Variants in SLC12A1 observed in about 807,000 individuals in gnomAD.
SLC12A1 encodes Na-K-2Cl cotransporter.
Under a neutral mutation model 130.4 loss-of-function variants are expected in SLC12A1, and 89 were observed. That is an observed-to-expected ratio of 0.68 (90% CI 0.58 to 0.81). The LOEUF (loss-of-function observed/expected upper bound fraction) is 0.81. Among genes scored for constraint, SLC12A1 ranks in the 40% least tolerant of loss-of-function variants. SLC12A1 has a pLI of 0.00. For synonymous variants in SLC12A1, 499 were observed against 460.0 expected (o/e 1.08, Z -1.09); for missense variants, 1,310 against 1,336.4 (o/e 0.98, Z 0.31).
chr15:48,221,656 ATAT>A (rs1360063758), intron 4 of SLC12A1, among the ~76,000 whole-genome samples: 1 of 152,198 alleles, frequency 6.6e-6, no homozygotes, highest in East Asian at 1.9e-4. Flanking sequence ...TCTATTTTAA[ATAT>A]TATTTCTTCT....
At chr15:48,236,926 A>G (rs1597415813) in intron 9 of SLC12A1, 3 of 630,842 alleles carry the variant, frequency 4.8e-6, no homozygotes, top group East Asian at 2.8e-5. Flanking sequence ...ACAAGTTTGT[A>G]TCAGATGTAT....
intron 18 of SLC12A1, among the ~76,000 whole-genome samples, chr15:48,269,439 T>C (rs1233801310): frequency 6.6e-6 from 1 of 152,216 alleles, no homozygotes; most frequent in Non-Finnish European, 1.5e-5. Context: ...AAAAGCTACA[T>C]TTCTGTCATC....
chr15:48,208,250 A>G lies in SLC12A1; in HGVS notation c.420+111A>G, dbSNP rs542949304. ...GTGAAACAGTCAAATGGAGAGGTCT[A>G]TTCCAAACACTATCCATCTTACTTA... On this transcript the variant is annotated intron_variant, in intron 2 of 26. Transcript: ENST00000380993. 2.7e-4 allele frequency: 280 copies of G among 1,045,422 alleles called. No homozygotes were observed. In the African/African-American group the frequency reaches 4.2e-3, roughly 16 times the overall value. 64.8% of individuals were successfully genotyped at this position (1,045,422 alleles called of 1,614,324 possible).
In SLC12A1 at chr15:48,226,464, C is replaced by A. The variant is rs35300056; in HGVS notation, c.629-12C>A. 73 of 1,487,752 alleles carry A rather than the reference C, an allele frequency of 4.9e-5. No homozygotes were observed. Among genetic ancestry groups the A allele is most frequent in the Non-Finnish European group, 6.5e-5 (70 of 1,083,536 alleles). 92.2% of individuals were successfully genotyped at this position (1,487,752 alleles called of 1,614,324 possible). ...GTAAAATGCAATATCTTCTATCTTT[C>A]ATTGCTAACAGGTCTTGGAGTTCTC... On this transcript the variant is annotated splice_polypyrimidine_tract_variant and intron_variant, in intron 4 of 26. Coordinates refer to ENST00000380993, the MANE Select transcript of SLC12A1 (RefSeq NM_000338.3).
At chr15:48,218,695 T>A (rs939740452) in intron 2 of SLC12A1, among the ~76,000 whole-genome samples, 29 of 152,238 alleles carry the variant, frequency 1.9e-4, no homozygotes, top group Admixed American at 1.8e-3. Flanking sequence ...TTTAGACCAC[T>A]TAAATAAGAT....
chr15:48,208,443 G>C (rs985659006), intron 2 of SLC12A1, among the ~76,000 whole-genome samples: 2 of 152,006 alleles, frequency 1.3e-5, no homozygotes, highest in African/African-American at 4.8e-5. Flanking sequence ...CTCCTGAGTA[G>C]CTGGGACTGC....
At chr15:48,208,161 A>T in intron 2 of SLC12A1, 22 bp downstream of exon 2, 2 of 1,547,616 alleles carry the variant, frequency 1.3e-6, no homozygotes, top group East Asian at 4.5e-5. Flanking sequence ...GGACACAAGC[A>T]AGTCTCCTCC....
At chr15:48,257,574 C>T (rs2041722395) in intron 16 of SLC12A1, among the ~76,000 whole-genome samples, 3 of 152,212 alleles carry the variant, frequency 2.0e-5, no homozygotes, top group Non-Finnish European at 1.5e-5. Context: ...AGGACCAACA[C>T]CACATGAAAG....
chr15:48,218,649 G>A (rs921181134), intron 2 of SLC12A1, among the ~76,000 whole-genome samples: 3 of 152,166 alleles, frequency 2.0e-5, no homozygotes, highest in African/African-American at 7.2e-5. Context: ...TTCTTAACTA[G>A]TGATATCAGA....
chr15:48,283,327 T>C (rs1027073447), intron 20 of SLC12A1, among the ~76,000 whole-genome samples: 7 of 152,228 alleles, frequency 4.6e-5, no homozygotes, highest in Non-Finnish European at 8.8e-5. Flanking sequence ...ATTACTTGCC[T>C]AATGTCACAT....
chr15:48,290,061 T>C (rs983267199), intron 23 of SLC12A1, among the ~76,000 whole-genome samples: 2 of 152,228 alleles, frequency 1.3e-5, no homozygotes, highest in African/African-American at 4.8e-5. Context: ...TAAAACGTAT[T>C]GTACAGCTAT....
chr15:48,234,677 T>C (rs1384853438), intron 8 of SLC12A1, among the ~76,000 whole-genome samples, 200 bp from the exon 9 acceptor site: 1 of 151,756 alleles, frequency 6.6e-6, no homozygotes, highest in Non-Finnish European at 1.5e-5. Context: ...TGCTTGAACC[T>C]GGGAGGCAGA....
At position 48,207,635 on chromosome 15, in the gene SLC12A1, T is replaced by G; in HGVS notation, c.-85T>G. 3 of 1,166,092 alleles carry G rather than the reference T, an allele frequency of 2.6e-6. No homozygotes were observed. Among genetic ancestry groups the G allele is most frequent in the Non-Finnish European group, 3.5e-6 (3 of 853,990 alleles). 72.2% of individuals were successfully genotyped at this position (1,166,092 alleles called of 1,614,324 possible). A position where few individuals can be genotyped will look rare whatever the true frequency, so the allele number is the denominator to read the frequency against. ...CCAGGAGCTCCCTAATGGAAGCACA[T>G]TAGTGTTTATTTTGATGAAGAAATA... On this transcript the variant is annotated 5_prime_UTR_variant, in exon 2 of 27. Coordinates refer to ENST00000380993, the MANE Select transcript of SLC12A1 (RefSeq NM_000338.3).
rs568383402 is a variant in SLC12A1, at chr15:48,299,363, T to C, written c.3096+88T>C. The C allele has an allele frequency of 7.9e-5, 91 of 1,145,176 alleles. No homozygotes were observed. In the South Asian group the frequency reaches 1.7e-3, roughly 22 times the overall value. The allele number at this position is 1,145,176 out of a possible 1,614,324, so 70.9% of individuals were successfully genotyped here. ...GATTTAAAGACAAAGAAGCAATATATTTATTATCAAATGTCATTATTCAAG... is the reference window on the plus strand; with the variant it reads ...GATTTAAAGACAAAGAAGCAATATACTTATTATCAAATGTCATTATTCAAG... On this transcript the variant is annotated intron_variant, in intron 25 of 26. Coordinates refer to ENST00000380993, the MANE Select transcript of SLC12A1 (RefSeq NM_000338.3).
chr15:48,230,379 A>G lies in SLC12A1; in HGVS notation c.865-14A>G. On this transcript the variant is annotated splice_polypyrimidine_tract_variant and intron_variant, in intron 6 of 26. Transcript: ENST00000380993. Reference sequence around the variant, plus strand: ...AAGCTGTATCTCTAAGCACTTAATAATTTGTTTCCCCAGGAGAGTGATTCG... The same window carrying G: ...AAGCTGTATCTCTAAGCACTTAATAGTTTGTTTCCCCAGGAGAGTGATTCG... The G allele has an allele frequency of 6.4e-7, 1 of 1,558,278 alleles. No individual in the cohort carries two copies. The highest frequency in any genetic ancestry group is 8.8e-7 in the Non-Finnish European group (1 of 1,132,952).
chr15:48,244,884 G>A lies in SLC12A1; in HGVS notation c.1432G>A (p.Gly478Arg), dbSNP rs758166864. Reference sequence around the variant, plus strand: ...ATGTCGACATGAACCATGTCAGTACGGGCTGATGAACAATTTCCAGGTTTG... The same window carrying A: ...ATGTCGACATGAACCATGTCAGTACAGGCTGATGAACAATTTCCAGGTTTG... Reference protein sequence around the residue: ...SRCRHEPCQYGLMNNFQVMSM... With the variant: ...SRCRHEPCQYRLMNNFQVMSM... The change falls in exon 11 of 27, where the codon GGG becomes AGG. Residue 478 changes from glycine (G) to arginine (R), a missense_variant. Physicochemically the swap from Gly to Arg is moderately radical, Grantham distance 125 (BLOSUM62 -2). Coordinates refer to ENST00000380993, the MANE Select transcript of SLC12A1 (RefSeq NM_000338.3). 1.9e-5 allele frequency: 30 copies of A among 1,613,754 alleles called. No individual in the cohort carries two copies. The highest frequency in any genetic ancestry group is 1.6e-4 in the Middle Eastern group (1 of 6,084).
intron 24 of SLC12A1, among the ~76,000 whole-genome samples, chr15:48,298,903 C>A (rs945278765): frequency 1.3e-5 from 2 of 152,176 alleles, no homozygotes; most frequent in Admixed American, 1.3e-4. Context: ...TATTGAAGAT[C>A]TAATACCTAA....
At chr15:48,272,469 C>G (rs556571763) in intron 19 of SLC12A1, among the ~76,000 whole-genome samples, 56 of 152,182 alleles carry the variant, frequency 3.7e-4, no homozygotes, top group African/African-American at 1.1e-3. Context: ...CTCTGTTGCC[C>G]AGGCTGAAGT....
chr15:48,257,091 T>C (rs2041716244), intron 16 of SLC12A1, among the ~76,000 whole-genome samples: 1 of 152,198 alleles, frequency 6.6e-6, no homozygotes, highest in Admixed American at 6.5e-5. Flanking sequence ...ACATGCCCCA[T>C]GCAAGTCCGA....
Sources: allele counts gnomAD v4.1 joint callset (sites outside exome capture counted in the v4.1 genomes callset), GRCh38; gene constraint gnomAD v4.1.1; transcripts MANE v1.5; gene names NCBI Gene and HGNC (gene_info 2026-07-23, HGNC 2026-07-21).